NHS: variants seen among roughly 807,000 people sequenced by gnomAD.
NHS encodes actin remodeling regulator NHS.
NHS carries 5 observed loss-of-function variants against 72.5 expected under a neutral mutation model. The observed-to-expected ratio is 0.07, with a 90% confidence interval of 0.04 to 0.14. NHS has a LOEUF of 0.14. Ranked by LOEUF, NHS falls within the 10% of genes least tolerant of loss-of-function variation. NHS has a pLI of 1.00. For synonymous variants in NHS, 464 were observed against 547.7 expected, an observed-to-expected ratio of 0.85 and a Z score of 2.13; for missense variants, 1,072 against 1,355.7, an observed-to-expected ratio of 0.79 and a Z score of 3.29.
intron 3 of NHS, among the ~76,000 whole-genome samples, chrX:17,697,835 A>T (rs948077383): frequency 1.8e-5 from 2 of 110,658 alleles, no homozygotes; most frequent in Non-Finnish European, 3.8e-5. Context: ...AAAGGATACC[A>T]ATAAGAACTA....
At chrX:17,431,157 T>G (rs1242500648) in intron 1 of NHS, among the ~76,000 whole-genome samples, 1 of 112,213 alleles carries the variant, frequency 8.9e-6, no homozygotes, top group Non-Finnish European at 1.9e-5. Flanking sequence ...GTGCCCAGGC[T>G]GGCAGTGCCA....
intron 1 of NHS, among the ~76,000 whole-genome samples, chrX:17,578,814 G>C (rs2065525604): frequency 8.9e-6 from 1 of 112,204 alleles, no homozygotes; most frequent in African/African-American, 3.2e-5. Flanking sequence ...CTGGCATATA[G>C]TAAGTGCTCA....
At chrX:17,616,676 G>T (rs780723569) in intron 1 of NHS, among the ~76,000 whole-genome samples, 2 of 112,381 alleles carry the variant, frequency 1.8e-5, no homozygotes, top group South Asian at 7.3e-4. Flanking sequence ...AGAAATACTT[G>T]ATATGTATTT....
chrX:17,714,073 G>A (rs1193574196), intron 3 of NHS, among the ~76,000 whole-genome samples: 1 of 110,638 alleles, frequency 9.0e-6, no homozygotes, highest in East Asian at 2.8e-4. Flanking sequence ...AATGCTGCAA[G>A]TTGGAGTCTG....
chrX:17,393,077 A>G (rs1435988111), intron 1 of NHS, among the ~76,000 whole-genome samples: 4 of 111,911 alleles, frequency 3.6e-5, no homozygotes, highest in African/African-American at 1.3e-4. Context: ...ATACCATGGT[A>G]TGGGCATCTG....
chrX:17,680,292 G>A (rs1447407483), intron 1 of NHS, among the ~76,000 whole-genome samples: 1 of 112,478 alleles, frequency 8.9e-6, no homozygotes, highest in African/African-American at 3.2e-5. Flanking sequence ...GCTGAGGGAA[G>A]TGCATGGGCC....
At chrX:17,710,226 G>C (rs1180966744) in intron 3 of NHS, among the ~76,000 whole-genome samples, 1 of 112,572 alleles carries the variant, frequency 8.9e-6, no homozygotes, top group Non-Finnish European at 1.9e-5. Context: ...GAAAACATTA[G>C]CCAATGAGTC....
intron 1 of NHS, among the ~76,000 whole-genome samples, chrX:17,632,363 T>C (rs898528240): frequency 1.8e-5 from 2 of 110,598 alleles, no homozygotes; most frequent in Non-Finnish European, 3.8e-5. Flanking sequence ...CATTTTTTTT[T>C]CCGATTTTGT....
chrX:17,421,226 CGTGTGTGT>C (rs773736556), intron 1 of NHS, among the ~76,000 whole-genome samples: 1 of 99,690 alleles, frequency 1.0e-5, no homozygotes, highest in Non-Finnish European at 2.0e-5. Context: ...AGCAGCTCTA[CGTGTGTGT>C]GTGTGTGTGT....
chrX:17,450,005 C>T (rs751474490), intron 1 of NHS, among the ~76,000 whole-genome samples: 27 of 111,631 alleles, frequency 2.4e-4, no homozygotes, highest in Non-Finnish European at 4.7e-4. Flanking sequence ...AAATGGGAGA[C>T]ATGCTCTGGT....
At chrX:17,482,062 C>T (rs1440322039) in intron 1 of NHS, among the ~76,000 whole-genome samples, 1 of 112,124 alleles carries the variant, frequency 8.9e-6, no homozygotes, top group Non-Finnish European at 1.9e-5. Flanking sequence ...ACCTGTGTGA[C>T]CTTGGGCAAG....
At chrX:17,687,595 G>A in intron 1 of NHS, 147 bp from the exon 2 acceptor site, 4 of 730,769 alleles carry the variant, frequency 5.5e-6, no homozygotes, top group Admixed American at 2.3e-5. Context: ...ACCTTTCTCC[G>A]GCCTTGAGTT....
intron 1 of NHS, among the ~76,000 whole-genome samples, chrX:17,624,164 C>G (rs1161987805): frequency 1.8e-5 from 2 of 112,506 alleles, no homozygotes; most frequent in Non-Finnish European, 3.7e-5. Flanking sequence ...AAGCTGCCTA[C>G]CTCCAAATGA....
intron 1 of NHS, among the ~76,000 whole-genome samples, chrX:17,548,313 T>C (rs1373375358): frequency 1.8e-5 from 2 of 110,510 alleles, no homozygotes; most frequent in Admixed American, 1.9e-4. Context: ...TTTTTTTTTT[T>C]CCCATGCAGA....
chrX:17,428,934 G>C (rs1274871297), intron 1 of NHS, among the ~76,000 whole-genome samples: 1 of 110,840 alleles, frequency 9.0e-6, no homozygotes, highest in East Asian at 2.8e-4. Context: ...ATCTCCTCTT[G>C]AATTCCAACT....
At chrX:17,537,652 T>C (rs1361681538) in intron 1 of NHS, among the ~76,000 whole-genome samples, 2 of 112,249 alleles carry the variant, frequency 1.8e-5, no homozygotes, top group Non-Finnish European at 1.9e-5. Flanking sequence ...AAATGTGGTG[T>C]CTGGCCTAGC....
intron 4 of NHS, among the ~76,000 whole-genome samples, 195 bp downstream of exon 4, chrX:17,719,601 T>A (rs1201876912): frequency 9.0e-6 from 1 of 111,118 alleles, no homozygotes; most frequent in Non-Finnish European, 1.9e-5. Context: ...GCCATTTGCC[T>A]TTTTCCCCCA....
chrX:17,683,797 C>T lies in NHS; in HGVS notation c.566-3945C>T, dbSNP rs188906499. 3.6e-5 allele frequency among the ~76,000 whole-genome samples: 4 copies of T among 111,728 alleles called. No individual in the cohort carries two copies. The Admixed American group carries it at 3.8e-4, about 11-fold the overall frequency. ...GTTGTAACCCTTGTCATTATCTTCC[C>T]CTTTCTTGGGGAGCAGTAACAGAGG... On this transcript the variant is annotated intron_variant, in intron 1 of 8. Transcript: ENST00000676302.
At chrX:17,486,446 T>C (rs2064967898) in intron 1 of NHS, among the ~76,000 whole-genome samples, 1 of 111,846 alleles carries the variant, frequency 8.9e-6, no homozygotes, top group Non-Finnish European at 1.9e-5. Context: ...GTGCATTGAT[T>C]AGCTAATGTA....
Sources: allele counts gnomAD v4.1 joint callset (sites outside exome capture counted in the v4.1 genomes callset), GRCh38; gene constraint gnomAD v4.1.1; transcripts MANE v1.5; gene names NCBI Gene and HGNC (gene_info 2026-07-23, HGNC 2026-07-21).